The following ANKS1B variants were observed in gnomAD, a reference collection of about 807,000 sequenced individuals.
ANKS1B encodes the protein ankyrin repeat and sterile alpha motif domain containing 1B.
ANKS1B carries 36 observed loss-of-function variants against 148.3 expected under a neutral mutation model. That is an observed-to-expected ratio of 0.24 (90% CI 0.19 to 0.32). The LOEUF (loss-of-function observed/expected upper bound fraction) is 0.32, where lower values mean the gene tolerates loss of function less well. ANKS1B is among the 10% of genes least tolerant of loss of function. The pLI is 1.00. For missense variants in ANKS1B, 1,157 were observed against 1,542.6 expected (o/e 0.75, Z 4.19); for synonymous variants, 542 against 560.8 (o/e 0.97, Z 0.47).
intron 4 of ANKS1B, among the ~76,000 whole-genome samples, chr12:99,803,102 A>G (rs2067156881): frequency 6.6e-6 from 1 of 152,128 alleles, no homozygotes; most frequent in African/African-American, 2.4e-5. Flanking sequence ...CAGGTTAGCT[A>G]GAGCAGTTTA....
intron 1 of ANKS1B, among the ~76,000 whole-genome samples, chr12:99,866,910 G>T (rs11110073): frequency 0.052 from 7,865 of 152,118 alleles, 650 homozygotes; most frequent in African/African-American, 0.18. Flanking sequence ...TTTATTTTGG[G>T]TTTTATGTGT....
chr12:99,660,363 CTTTT>C (rs71088137), intron 8 of ANKS1B, among the ~76,000 whole-genome samples: 3 of 120,588 alleles, frequency 2.5e-5, no homozygotes, highest in Admixed American at 9.4e-5. Flanking sequence ...TTTTCTTTTT[CTTTT>C]TTTTTTTTTT....
chr12:99,450,211 A>ATTCC (rs2095708899), intron 10 of ANKS1B, among the ~76,000 whole-genome samples: 1 of 152,168 alleles, frequency 6.6e-6, no homozygotes, highest in South Asian at 2.1e-4. Context: ...GGCAGGAGAA[A>ATTCC]TTCCCCTTTA....
chr12:99,860,236 G>C (rs1388239389), intron 1 of ANKS1B, among the ~76,000 whole-genome samples: 1 of 152,166 alleles, frequency 6.6e-6, no homozygotes, highest in Non-Finnish European at 1.5e-5. Context: ...GAGGTCTGGA[G>C]AAGGCTTTAC....
intron 1 of ANKS1B, among the ~76,000 whole-genome samples, chr12:99,857,207 A>T (rs1362237123): frequency 6.6e-6 from 1 of 152,208 alleles, no homozygotes; most frequent in Non-Finnish European, 1.5e-5. Context: ...AAATTAATGT[A>T]CACAAATCAG....
At chr12:99,562,033 T>C (rs558771926) in intron 9 of ANKS1B, among the ~76,000 whole-genome samples, 21 of 152,370 alleles carry the variant, frequency 1.4e-4, no homozygotes, top group African/African-American at 5.0e-4. Flanking sequence ...GAATAGATGC[T>C]GTGTTCGCAC....
intron 17 of ANKS1B, among the ~76,000 whole-genome samples, chr12:98,905,338 C>T (rs1045761905): frequency 5.3e-5 from 8 of 152,184 alleles, no homozygotes; most frequent in African/African-American, 1.7e-4. Flanking sequence ...TTCAAAGGAA[C>T]GCACCCAACC....
At chr12:99,730,117 T>C (rs2058992284) in intron 8 of ANKS1B, among the ~76,000 whole-genome samples, 1 of 152,224 alleles carries the variant, frequency 6.6e-6, no homozygotes, top group Non-Finnish European at 1.5e-5. Flanking sequence ...TGCCAGCTGA[T>C]TTATGTACTG....
chr12:99,659,792 C>T (rs569746423), intron 8 of ANKS1B, among the ~76,000 whole-genome samples: 22 of 152,228 alleles, frequency 1.4e-4, no homozygotes, highest in African/African-American at 5.3e-4. Flanking sequence ...GTGAAAAAAA[C>T]TGATGCTCAA....
intron 8 of ANKS1B, among the ~76,000 whole-genome samples, chr12:99,700,426 T>C (rs558158609): frequency 1.9e-4 from 29 of 152,200 alleles, no homozygotes; most frequent in Non-Finnish European, 3.1e-4. Context: ...ACTCACAAAC[T>C]GAAAGCCTTT....
At chr12:98,833,332 G>C (rs905426701) in intron 17 of ANKS1B, among the ~76,000 whole-genome samples, 1 of 152,166 alleles carries the variant, frequency 6.6e-6, no homozygotes, top group Non-Finnish European at 1.5e-5. Flanking sequence ...TTACTCCAAA[G>C]TATACGTCAC....
rs181408021 is a variant in ANKS1B at position 99,691,302 on chromosome 12, T to C, written c.1129-36092A>G. Among the ~76,000 whole-genome samples, 5 of 152,352 alleles carry C rather than the reference T, an allele frequency of 3.3e-5. No individual in the cohort carries two copies. The East Asian group carries it at 9.6e-4, about 29-fold the overall frequency. On this transcript the variant is annotated intron_variant, in intron 8 of 26. Transcript: ENST00000683438. Reference sequence around the variant, plus strand: ...GGAGACTTCCTCCCCATTGTGTTAGTGACTGACATTCAGCTCCTCACTACG... The same window carrying C: ...GGAGACTTCCTCCCCATTGTGTTAGCGACTGACATTCAGCTCCTCACTACG...
rs192342488 is a variant in ANKS1B at position 99,617,648 on chromosome 12, G to A, written c.1272+37419C>T. The stretch of plus-strand genomic sequence containing the variant: ...CACTGGGGCCTTTCAGGGGTTGGGG[G>A]AAAAAGGGAGGGAGAGCATGAGGAC... On this transcript the variant is annotated intron_variant, in intron 9 of 26. Transcript: ENST00000683438. Among the ~76,000 whole-genome samples, 900 of 151,928 alleles carry A rather than the reference G, an allele frequency of 5.9e-3. 3 individuals carry two copies. Among genetic ancestry groups the A allele is most frequent in the Non-Finnish European group, 8.6e-3 (582 of 67,934 alleles).
At chr12:99,915,077 T>G (rs151203580) in intron 1 of ANKS1B, among the ~76,000 whole-genome samples, 9,263 of 151,734 alleles carry the variant, frequency 0.061, 316 homozygotes, top group Middle Eastern at 0.15. Flanking sequence ...AATACAAAAT[T>G]ATCTGGGCAT....
At chr12:99,174,190 G>A (rs1186037817) in intron 14 of ANKS1B, among the ~76,000 whole-genome samples, 3 of 152,152 alleles carry the variant, frequency 2.0e-5, no homozygotes, top group Non-Finnish European at 4.4e-5. Context: ...TAAGAAAGGA[G>A]GCCCTCAGTC....
intron 9 of ANKS1B, among the ~76,000 whole-genome samples, chr12:99,507,632 T>C (rs540301991): frequency 6.4e-4 from 98 of 152,006 alleles, no homozygotes; most frequent in African/African-American, 2.3e-3. Context: ...GGCCATAATT[T>C]CTTCTTAGAA....
At chr12:99,715,384 C>T (rs1253784111) in intron 8 of ANKS1B, among the ~76,000 whole-genome samples, 2 of 152,174 alleles carry the variant, frequency 1.3e-5, no homozygotes, top group Non-Finnish European at 2.9e-5. Flanking sequence ...TACTGAGCAC[C>T]TTGTGACCCC....
intron 9 of ANKS1B, among the ~76,000 whole-genome samples, chr12:99,627,722 A>T (rs1482206041): frequency 6.6e-6 from 1 of 152,198 alleles, no homozygotes; most frequent in Non-Finnish European, 1.5e-5. Context: ...AAATGTTATC[A>T]TCTAAAAGAA....
chr12:99,026,355 G>A lies in ANKS1B; in HGVS notation c.2778+26802C>T, dbSNP rs1303012228. On this transcript the variant is annotated intron_variant, in intron 17 of 26. Coordinates refer to ENST00000683438, the MANE Select transcript of ANKS1B (RefSeq NM_001352186.2). ...TATGGGCATATTAGTTCACACTTAC[G>A]CTGTTATTTAGAGTGGAGTTTCTCT... 7.9e-5 allele frequency among the ~76,000 whole-genome samples: 12 copies of A among 152,196 alleles called. No homozygotes were observed. In the East Asian group the frequency reaches 1.2e-3, roughly 15 times the overall value.
Sources: gnomAD v4.1 joint callset for allele counts (sites outside exome capture counted in the v4.1 genomes callset) on GRCh38, gnomAD v4.1.1 for gene constraint, MANE v1.5 for transcripts, NCBI Gene and HGNC (gene_info 2026-07-23, HGNC 2026-07-21) for gene names.